DTD1: variants seen among roughly 807,000 people sequenced by gnomAD.
The protein encoded by DTD1 is D-tyrosyl-tRNA deacylase 1 homolog.
A neutral mutation model predicts 25.6 loss-of-function variants in DTD1; 13 were observed. That is an observed-to-expected ratio of 0.51 (90% CI 0.33 to 0.81). The LOEUF (loss-of-function observed/expected upper bound fraction) is 0.81, where lower values mean the gene tolerates loss of function less well. Ranked by LOEUF, DTD1 falls within the 30% of genes least tolerant of loss-of-function variation. The pLI is 0.02. For synonymous variants in DTD1, 110 were observed against 103.6 expected, an observed-to-expected ratio of 1.06 and a Z score of -0.37; for missense variants, 193 against 266.4, an observed-to-expected ratio of 0.72 and a Z score of 1.92.
At chr20:18,655,724 CTTTTCCTAAATGATG>C (rs1215812499) in intron 4 of DTD1, among the ~76,000 whole-genome samples, 2 of 152,130 alleles carry the variant, frequency 1.3e-5, no homozygotes, top group African/African-American at 4.8e-5. Context: ...TGGCCATATT[CTTTTCCTAAATGATG>C]GGCATTTCAT....
At chr20:18,607,413 G>T (rs1219038390) in intron 3 of DTD1, among the ~76,000 whole-genome samples, 1 of 152,058 alleles carries the variant, frequency 6.6e-6, no homozygotes, top group Non-Finnish European at 1.5e-5. Flanking sequence ...TACATGTCTA[G>T]GCCCCAAAGT....
At chr20:18,636,186 G>T (rs1003367229) in intron 4 of DTD1, among the ~76,000 whole-genome samples, 2 of 152,088 alleles carry the variant, frequency 1.3e-5, no homozygotes, top group African/African-American at 4.8e-5. Context: ...TTGCTGACTT[G>T]ACCTGCCAAA....
chr20:18,754,392 C>T (rs2061331363), intron 5 of DTD1, among the ~76,000 whole-genome samples: 1 of 152,184 alleles, frequency 6.6e-6, no homozygotes. Flanking sequence ...TTATCAGGCA[C>T]CTCTTACTAC....
intron 4 of DTD1, among the ~76,000 whole-genome samples, chr20:18,683,360 G>T (rs926739494): frequency 6.6e-6 from 1 of 152,122 alleles, no homozygotes; most frequent in African/African-American, 2.4e-5. Context: ...TTATTAGAGT[G>T]TTTCTCTGTC....
At chr20:18,645,972 C>T (rs1409238027) in intron 4 of DTD1, among the ~76,000 whole-genome samples, 6 of 152,170 alleles carry the variant, frequency 3.9e-5, no homozygotes, top group Non-Finnish European at 5.9e-5. Flanking sequence ...CTTCATCCTT[C>T]CTAGAGATGT....
intron 4 of DTD1, among the ~76,000 whole-genome samples, chr20:18,651,404 G>A (rs759187485): frequency 1.3e-5 from 2 of 152,196 alleles, no homozygotes; most frequent in Non-Finnish European, 2.9e-5. Flanking sequence ...GCCCGTCTCC[G>A]CCTCCCAAAG....
In DTD1 at chr20:18,599,104, A is replaced by G. The variant is rs1009443039; in HGVS notation, c.370+2863A>G. Among the ~76,000 whole-genome samples the G allele has an allele frequency of 2.0e-5, 3 of 152,148 alleles. No individual in the cohort carries two copies. The East Asian group carries it at 5.8e-4, about 29-fold the overall frequency. ...AGTTTATTTATTCACTTACTGAAGG[A>G]TATCTTGATTGTTTCCAAGTTTAGG... On this transcript the variant is annotated intron_variant, in intron 3 of 5. Transcript: ENST00000377452.
intron 4 of DTD1, among the ~76,000 whole-genome samples, chr20:18,637,661 A>G (rs965887978): frequency 2.0e-4 from 30 of 152,208 alleles, no homozygotes; most frequent in African/African-American, 5.1e-4. Context: ...TAGCCTCTGC[A>G]TGGAAATTGT....
chr20:18,608,120 T>C (rs74958323), intron 3 of DTD1, among the ~76,000 whole-genome samples: 19,455 of 152,136 alleles, frequency 0.13, 1,602 homozygotes, highest in Non-Finnish European at 0.18. Flanking sequence ...ACTAAGGGAA[T>C]TGGTCTTTTT....
chr20:18,632,005 G>A, intron 4 of DTD1: 1 of 845,508 alleles, frequency 1.2e-6, no homozygotes, highest in Non-Finnish European at 1.4e-6. Context: ...ATCATATTGT[G>A]CACTGGGAGT....
At chr20:18,725,151 A>ATC (rs1464241626) in intron 4 of DTD1, among the ~76,000 whole-genome samples, 1 of 152,196 alleles carries the variant, frequency 6.6e-6, no homozygotes, top group Non-Finnish European at 1.5e-5. Flanking sequence ...ATTTATACTC[A>ATC]CTTTTTATTG....
At chr20:18,733,972 C>T (rs1280081798) in intron 4 of DTD1, among the ~76,000 whole-genome samples, 1 of 152,196 alleles carries the variant, frequency 6.6e-6, no homozygotes, top group African/African-American at 2.4e-5. Context: ...TTTTCCATTA[C>T]ACAAGGACAT....
chr20:18,666,207 A>G (rs1335022122), intron 4 of DTD1, among the ~76,000 whole-genome samples: 1 of 152,172 alleles, frequency 6.6e-6, no homozygotes, highest in East Asian at 1.9e-4. Context: ...GTGATAGACT[A>G]TGGTTCTGGG....
chr20:18,629,296 C>CTTTTTTTTTT (rs35174616), intron 4 of DTD1, among the ~76,000 whole-genome samples: 5 of 69,222 alleles, frequency 7.2e-5, no homozygotes, highest in Non-Finnish European at 7.8e-5. Context: ...TGTGCTCGGC[C>CTTTTTTTTTT]TTTTTTTTTT....
At chr20:18,696,194 C>T (rs6105947) in intron 4 of DTD1, among the ~76,000 whole-genome samples, 5,322 of 152,162 alleles carry the variant, frequency 0.035, 282 homozygotes, top group African/African-American at 0.12. Context: ...TTTCCAGGAG[C>T]GAGGGGAATG....
intron 4 of DTD1, among the ~76,000 whole-genome samples, chr20:18,639,693 A>G (rs1046248213): frequency 6.6e-6 from 1 of 152,238 alleles, no homozygotes; most frequent in African/African-American, 2.4e-5. Context: ...TTCTTCACAG[A>G]AAATATATTC....
At chr20:18,624,441 G>C (rs923428106) in intron 3 of DTD1, among the ~76,000 whole-genome samples, 1 of 152,152 alleles carries the variant, frequency 6.6e-6, no homozygotes, top group African/African-American at 2.4e-5. Context: ...TTTGAAGACC[G>C]AAGGAAGTAA....
chr20:18,662,572 A>G (rs753815128), intron 4 of DTD1, among the ~76,000 whole-genome samples: 2 of 152,252 alleles, frequency 1.3e-5, no homozygotes, highest in African/African-American at 2.4e-5. Context: ...AGGATGCTCA[A>G]TACAGCGTTA....
chr20:18,631,872 C>T, intron 4 of DTD1: 3 of 985,104 alleles, frequency 3.0e-6, no homozygotes, highest in Non-Finnish European at 3.6e-6. Flanking sequence ...TACATTTTGC[C>T]TTTAGAATCT....
Sources: allele counts gnomAD v4.1 joint callset (sites outside exome capture counted in the v4.1 genomes callset), GRCh38; gene constraint gnomAD v4.1.1; transcripts MANE v1.5; gene names NCBI Gene and HGNC (gene_info 2026-07-23, HGNC 2026-07-21).